RELN: variants seen among roughly 807,000 people sequenced by gnomAD.
RELN encodes the protein reelin.
In RELN, 108 loss-of-function variants were observed where a neutral mutation model predicts 427.6. The ratio of observed to expected loss-of-function variants is 0.25; its 90% CI spans 0.22 to 0.30. The LOEUF (loss-of-function observed/expected upper bound fraction) is 0.30, where lower values mean the gene tolerates loss of function less well. RELN is among the 10% of genes least tolerant of loss of function. The probability of loss-of-function intolerance (pLI) is 1.00; values close to 1 mark genes in which losing one functional copy is unlikely to be tolerated. For missense variants in RELN, 3,715 were observed against 4,302.8 expected, an observed-to-expected ratio of 0.86 and a Z score of 3.82; for synonymous variants, 1,524 against 1,513.4, an observed-to-expected ratio of 1.01 and a Z score of -0.16.
intron 11 of RELN, among the ~76,000 whole-genome samples, chr7:103,664,292 C>G (rs1168758536): frequency 6.6e-6 from 1 of 152,182 alleles, no homozygotes. Context: ...TGTGTGTTTA[C>G]ATATGCATGT....
intron 8 of RELN, among the ~76,000 whole-genome samples, chr7:103,712,759 T>C (rs563198853): frequency 6.6e-6 from 1 of 152,260 alleles, no homozygotes; most frequent in Non-Finnish European, 1.5e-5. Flanking sequence ...TTTTGTAATA[T>C]GAAATTACAG....
chr7:103,528,409 A>C (rs1192270011), intron 46 of RELN, among the ~76,000 whole-genome samples: 1 of 152,002 alleles, frequency 6.6e-6, no homozygotes, highest in Non-Finnish European at 1.5e-5. Context: ...GACTGCTAAT[A>C]AGTATAGGAT....
At chr7:103,619,714 C>T (rs1832171888) in intron 20 of RELN, among the ~76,000 whole-genome samples, 1 of 152,166 alleles carries the variant, frequency 6.6e-6, no homozygotes, top group Non-Finnish European at 1.5e-5. Flanking sequence ...CAAAGCACAG[C>T]ATGGGCTGTG....
intron 14 of RELN, among the ~76,000 whole-genome samples, chr7:103,652,265 T>G (rs1562940857): frequency 1.3e-5 from 2 of 151,150 alleles, no homozygotes; most frequent in African/African-American, 2.4e-5. Flanking sequence ...TTTTTTTTTT[T>G]CTCTCTTAGC....
intron 8 of RELN, among the ~76,000 whole-genome samples, chr7:103,706,974 C>G (rs1284441407): frequency 2.0e-5 from 3 of 152,124 alleles, no homozygotes; most frequent in Non-Finnish European, 4.4e-5. Context: ...GTAGACCCTC[C>G]TCCTGCTCAT....
chr7:103,902,187 G>A (rs1276305769), intron 2 of RELN, among the ~76,000 whole-genome samples: 2 of 151,922 alleles, frequency 1.3e-5, no homozygotes, highest in East Asian at 1.9e-4. Flanking sequence ...AGAGCTGGTC[G>A]TTTGTCCCAC....
chr7:103,484,846 G>A (rs1828373801), intron 61 of RELN, among the ~76,000 whole-genome samples: 1 of 152,130 alleles, frequency 6.6e-6, no homozygotes, highest in Non-Finnish European at 1.5e-5. Flanking sequence ...GAACACATCT[G>A]GATGGGGATA....
At chr7:103,775,135 T>C (rs1190361805) in intron 4 of RELN, among the ~76,000 whole-genome samples, 1 of 152,194 alleles carries the variant, frequency 6.6e-6, no homozygotes, top group Non-Finnish European at 1.5e-5. Context: ...TCTGACACTA[T>C]AAATTTTCCA....
intron 1 of RELN, among the ~76,000 whole-genome samples, chr7:103,919,133 CT>C (rs1187538150): frequency 0.13 from 13,279 of 101,334 alleles, 583 homozygotes; most frequent in South Asian, 0.18. Context: ...GATAATCGGT[CT>C]TTTTTTTTTT....
intron 47 of RELN, 38 bp from the exon 48 acceptor site, chr7:103,522,237 G>A: frequency 6.2e-7 from 1 of 1,602,198 alleles, no homozygotes; most frequent in Non-Finnish European, 8.5e-7. Context: ...GTCAACATCA[G>A]ACAAAGCCCC....
chr7:103,821,468 T>C (rs2116372449), intron 3 of RELN, among the ~76,000 whole-genome samples: 1 of 152,286 alleles, frequency 6.6e-6, no homozygotes, highest in South Asian at 2.1e-4. Flanking sequence ...TCCACAGACA[T>C]GTAAGTACTG....
chr7:103,580,004 G>A (rs895900224), intron 28 of RELN, among the ~76,000 whole-genome samples: 3 of 152,164 alleles, frequency 2.0e-5, no homozygotes, highest in Admixed American at 6.5e-5. Flanking sequence ...TGAGAGTTGC[G>A]AGAGGTGTAC....
chr7:103,660,048 A>G (rs1833105032), intron 12 of RELN, among the ~76,000 whole-genome samples: 1 of 152,168 alleles, frequency 6.6e-6, no homozygotes, highest in Non-Finnish European at 1.5e-5. Context: ...AAAATTAAAG[A>G]TTAATCTTAT....
chr7:103,673,742 T>C (rs186963942), intron 11 of RELN, among the ~76,000 whole-genome samples: 1 of 152,002 alleles, frequency 6.6e-6, no homozygotes, highest in East Asian at 1.9e-4. Context: ...TCAAGATAAC[T>C]GCTTCCTTTA....
intron 2 of RELN, among the ~76,000 whole-genome samples, chr7:103,876,041 C>A (rs966436294): frequency 1.3e-5 from 2 of 152,152 alleles, no homozygotes; most frequent in South Asian, 2.1e-4. Context: ...CCCAAGTAAC[C>A]ACTATGTTCT....
chr7:103,908,524 T>C (rs913337199), intron 2 of RELN, among the ~76,000 whole-genome samples: 1 of 152,176 alleles, frequency 6.6e-6, no homozygotes, highest in Non-Finnish European at 1.5e-5. Context: ...GTTCACGTAC[T>C]GAGCCACCAC....
At chr7:103,761,450 T>C (rs1791296270) in intron 4 of RELN, among the ~76,000 whole-genome samples, 4 of 152,208 alleles carry the variant, frequency 2.6e-5, no homozygotes, top group Admixed American at 2.6e-4. Flanking sequence ...TACATTTTTA[T>C]TTTTATATTT....
chr7:103,649,451 G>T (rs1471797551), intron 16 of RELN, among the ~76,000 whole-genome samples: 1 of 151,930 alleles, frequency 6.6e-6, no homozygotes, highest in Non-Finnish European at 1.5e-5. Flanking sequence ...TGGAAGGGGG[G>T]TGAGGGATGA....
At chr7:103,675,666 C>T (rs1833502533) in intron 11 of RELN, among the ~76,000 whole-genome samples, 1 of 152,138 alleles carries the variant, frequency 6.6e-6, no homozygotes. Context: ...ACCAAAACAG[C>T]ATGGTACTGG....
Sources: allele counts gnomAD v4.1 joint callset (sites outside exome capture counted in the v4.1 genomes callset), GRCh38; gene constraint gnomAD v4.1.1; transcripts MANE v1.5; gene names NCBI Gene and HGNC (gene_info 2026-07-23, HGNC 2026-07-21).